SLCO4A1: variants seen among roughly 807,000 people sequenced by gnomAD.
The protein encoded by SLCO4A1 is solute carrier organic anion transporter family member 4A1.
In SLCO4A1, 51 loss-of-function variants were observed where a neutral mutation model predicts 64.6. That is an observed-to-expected ratio of 0.79 (90% CI 0.63 to 1.00). SLCO4A1 has a LOEUF of 1.00. SLCO4A1 is among the 50% of genes least tolerant of loss of function. SLCO4A1 has a pLI of 0.00. For missense variants in SLCO4A1, 919 were observed against 980.5 expected (o/e 0.94, Z 0.84); for synonymous variants, 471 against 444.9 (o/e 1.06, Z -0.74).
chr20:62,649,682 C>G (rs1404146212), intron 1 of SLCO4A1: 1 of 152,306 alleles, frequency 6.6e-6, no homozygotes, highest in Non-Finnish European at 1.5e-5. Context: ...GTCTCCTGCA[C>G]CCCATGGCTG....
chr20:62,656,305 T>G, intron 1 of SLCO4A1, 54 bp from the exon 2 acceptor site: 3 of 654,278 alleles, frequency 4.6e-6, no homozygotes, highest in South Asian at 2.1e-5. Context: ...CCCTCCTGGA[T>G]GTGCTGTACC....
In SLCO4A1 at chr20:62,671,935, T is replaced by A. The variant is rs1569150964; in HGVS notation, c.*42T>A. ...CCCGGCCACGGCGGGCACTCAGCAT[T>A]TCCTGATGACAGAACAGTGCCGTTG... is the stretch of plus-strand genomic sequence containing the variant. On this transcript the variant is annotated 3_prime_UTR_variant, in exon 12 of 12. Coordinates refer to ENST00000217159, the MANE Select transcript of SLCO4A1 (RefSeq NM_016354.4). 1 of 1,603,986 alleles carries A rather than the reference T, an allele frequency of 6.2e-7. No individual in the cohort carries two copies. The highest frequency in any genetic ancestry group is 8.5e-7 in the Non-Finnish European group (1 of 1,179,936).
downstream of SLCO4A1, among the ~76,000 whole-genome samples, chr20:62,673,079 A>G (rs1185724248): frequency 6.3e-5 from 9 of 143,208 alleles, 1 homozygote; most frequent in Admixed American, 1.4e-4. Context: ...AGGAGATAAA[A>G]CACAGCCATA....
intron 2 of SLCO4A1, among the ~76,000 whole-genome samples, chr20:62,680,564 T>C (rs939015171): frequency 5.3e-5 from 6 of 113,132 alleles, no homozygotes; most frequent in Non-Finnish European, 1.1e-4. Flanking sequence ...TCTAGTTTGC[T>C]GATGGTTTTT....
In SLCO4A1 at chr20:62,669,014, C is replaced by G; in HGVS notation, c.1961C>G (p.Ser654Cys). 1 of 1,611,232 alleles carries G rather than the reference C, an allele frequency of 6.2e-7. No individual in the cohort carries two copies. Among genetic ancestry groups the G allele is most frequent in the Non-Finnish European group, 8.5e-7 (1 of 1,179,984 alleles). Reference protein sequence around the residue: ...LWQDQCGQQGSCLVYQNSAMS... With the variant: ...LWQDQCGQQGCCLVYQNSAMS... ...CAGGACCAGTGTGGCCAGCAGGGCT[C>G]CTGCTTGGTGTACCAGAATTCGGCC... Residue 654 changes from serine (S) to cysteine (C), a missense_variant, in exon 11 of 12, where the codon TCC (serine) becomes TGC (cysteine). Transcript: ENST00000217159.
intron 5 of SLCO4A1, among the ~76,000 whole-genome samples, chr20:62,664,534 C>G (rs1026635932): frequency 1.3e-5 from 2 of 152,212 alleles, no homozygotes; most frequent in African/African-American, 4.8e-5. Flanking sequence ...TCCTGGGTCA[C>G]TTGGGGTCTC....
At chr20:62,664,766 G>A (rs1315600418) in intron 5 of SLCO4A1, among the ~76,000 whole-genome samples, 168 bp from the exon 6 acceptor site, 1 of 152,086 alleles carries the variant, frequency 6.6e-6, no homozygotes, top group East Asian at 1.9e-4. Context: ...ACAGCCTCAG[G>A]AACAGCAGGT....
intron 1 of SLCO4A1, among the ~76,000 whole-genome samples, chr20:62,653,634 T>G (rs1237562720): frequency 1.3e-5 from 2 of 152,168 alleles, no homozygotes; most frequent in Admixed American, 6.5e-5. Flanking sequence ...GTGTGTCTGT[T>G]AAGCTCTAAC....
Position 62,672,158 on chromosome 20 carries a change from T to G in SLCO4A1, c.*265T>G. 1 of 1,359,288 alleles carries G rather than the reference T, an allele frequency of 7.4e-7. No individual in the cohort carries two copies. The highest frequency in any genetic ancestry group is 9.5e-7 in the Non-Finnish European group (1 of 1,049,968). The allele number at this position is 1,359,288 out of a possible 1,614,324, so 84.2% of individuals were successfully genotyped here. On this transcript the variant is annotated 3_prime_UTR_variant, in exon 12 of 12. Transcript: ENST00000217159. ...AGAATGTGTTTTATACCCGATCGTGTGTGGTGTGCGTGAGGACAAACTCCG... is the reference window on the plus strand; with the variant it reads ...AGAATGTGTTTTATACCCGATCGTGGGTGGTGTGCGTGAGGACAAACTCCG...
At chr20:62,643,568 A>G (rs1176821968) in intron 1 of SLCO4A1, among the ~76,000 whole-genome samples, 1 of 152,312 alleles carries the variant, frequency 6.6e-6, no homozygotes, top group East Asian at 1.9e-4. Context: ...GGAACGCGGT[A>G]GTTTTCCACA....
intron 11 of SLCO4A1, 92 bp from the exon 12 acceptor site, chr20:62,671,658 C>T: frequency 2.4e-6 from 3 of 1,231,226 alleles, no homozygotes; most frequent in Non-Finnish European, 3.4e-6. Context: ...GTGCTGCAGG[C>T]TGGGGCAGGG....
intron 3 of SLCO4A1, among the ~76,000 whole-genome samples, chr20:62,659,154 G>A (rs548186076): frequency 6.6e-6 from 1 of 152,346 alleles, no homozygotes; most frequent in Middle Eastern, 3.4e-3. Flanking sequence ...TGGAGGGAGA[G>A]GCAGAGAGAG....
In SLCO4A1 at chr20:62,661,038, C is replaced by CCCCCAG. The variant is rs1440058753; in HGVS notation, c.1010-23_1010-22insCAGCCC. ...ACCTCCGGGAGCCCCCAGCCCCCAG[C>CCCCCAG]CCCAGCTCACTCTGTGCCCTTCCAG... On this transcript the variant is annotated intron_variant, in intron 4 of 11. Coordinates refer to ENST00000217159, the MANE Select transcript of SLCO4A1 (RefSeq NM_016354.4). The surrounding 1 kb of genome is among the most constrained non-coding windows in gnomAD (Gnocchi z 5.2). 7.6e-7 allele frequency: 1 copy of CCCCCAG among 1,317,862 alleles called. No individual in the cohort carries two copies. Among genetic ancestry groups the CCCCCAG allele is most frequent in the Non-Finnish European group, 1.1e-6 (1 of 914,268 alleles). 81.6% of individuals were successfully genotyped at this position (1,317,862 alleles called of 1,614,324 possible).
At chr20:62,643,428 G>A (rs1429266673) in intron 1 of SLCO4A1, 1 of 171,726 alleles carries the variant, frequency 5.8e-6, no homozygotes, top group African/African-American at 2.4e-5. Flanking sequence ...GAGAAGCCCA[G>A]CTAGGTTTCC....
At position 62,664,666 on chromosome 20, in the gene SLCO4A1, C is replaced by T. The variant is rs78526844; in HGVS notation, c.1122-268C>T. 6.8e-3 allele frequency among the ~76,000 whole-genome samples: 1,039 copies of T among 152,330 alleles called. 9 individuals are homozygous for T. Among genetic ancestry groups the T allele is most frequent in the African/African-American group, 0.022 (915 of 41,562 alleles). ...TCAGCCTGGCGCCCCCTGGGTTTCT[C>T]TGGAATAAGTGTGGGTGTCCCCCAC... On this transcript the variant is annotated intron_variant, in intron 5 of 11. Transcript: ENST00000217159.
At position 62,671,818 on chromosome 20, in the gene SLCO4A1, C is replaced by T; in HGVS notation, c.2094C>T (p.Gly698=). The stretch of plus-strand genomic sequence containing the variant: ...AGCCCCTGTCGGAGTCTTCAGATGG[C>T]CTGGAAACTTGTCTGCCCAGCCAGT... ...LYKPLSESSD[G]LETCLPSQSS... The change falls in exon 12 of 12, where the codon GGC becomes GGT. Residue 698 remains glycine (G), a synonymous_variant. Coordinates refer to ENST00000217159, the MANE Select transcript of SLCO4A1 (RefSeq NM_016354.4). The T allele has an allele frequency of 1.9e-6, 3 of 1,613,572 alleles. No individual in the cohort carries two copies. Among genetic ancestry groups the T allele is most frequent in the South Asian group, 1.1e-5 (1 of 91,082 alleles).
At chr20:62,647,445 G>A (rs1187254101) in intron 1 of SLCO4A1, among the ~76,000 whole-genome samples, 1 of 152,168 alleles carries the variant, frequency 6.6e-6, no homozygotes, top group Non-Finnish European at 1.5e-5. Flanking sequence ...AGACCCTATG[G>A]TCCTGCCTGG....
rs756342120 is a variant in SLCO4A1, at chr20:62,668,025, G to A, written c.1652G>A (p.Cys551Tyr). 25 of 1,613,966 alleles carry A rather than the reference G, an allele frequency of 1.5e-5. No homozygotes were observed. Among genetic ancestry groups the A allele is most frequent in the Admixed American group, 5.0e-5 (3 of 60,016 alleles). The change falls in exon 9 of 12, where the codon TGT becomes TAT. Residue 551 changes from cysteine (C) to tyrosine (Y), a missense_variant. Physicochemically the swap from Cys to Tyr is radical, Grantham distance 194. Coordinates refer to ENST00000217159, the MANE Select transcript of SLCO4A1 (RefSeq NM_016354.4). ...NVDGQKVYRD[C>Y]SCIPQNLSSG... The stretch of plus-strand genomic sequence containing the variant: ...TGGGCTTCCCAGGTGTACCGAGACT[G>A]TAGCTGTATCCCTCAGAATCTTTCC...
chr20:62,656,372 C>G lies in SLCO4A1; in HGVS notation c.-83C>G, dbSNP rs1327163847. 11 of 1,231,712 alleles carry G rather than the reference C, an allele frequency of 8.9e-6. No homozygotes were observed. The highest frequency in any genetic ancestry group is 1.2e-5 in the Non-Finnish European group (11 of 911,790). The allele number at this position is 1,231,712 out of a possible 1,614,324, so 76.3% of individuals were successfully genotyped here. Reference sequence around the variant, plus strand: ...TTCTTCTCACAGGACACACCAGCCCCTCGGATACCACTTGGCCACTCCCGC... The same window carrying G: ...TTCTTCTCACAGGACACACCAGCCCGTCGGATACCACTTGGCCACTCCCGC... On this transcript the variant is annotated 5_prime_UTR_variant, in exon 2 of 12. Coordinates refer to ENST00000217159, the MANE Select transcript of SLCO4A1 (RefSeq NM_016354.4).
Sources: allele counts gnomAD v4.1 joint callset (sites outside exome capture counted in the v4.1 genomes callset), GRCh38; gene constraint gnomAD v4.1.1; non-coding constraint Gnocchi (gnomAD v3.1); transcripts MANE v1.5; gene names NCBI Gene and HGNC (gene_info 2026-07-23, HGNC 2026-07-21).